Variants in APOL5 observed in about 807,000 individuals in gnomAD.
The protein encoded by APOL5 is apolipoprotein L, 5.
A neutral mutation model predicts 35.5 loss-of-function variants in APOL5; 29 were observed. The observed-to-expected ratio is 0.82, with a 90% CI of 0.61 to 1.11. The LOEUF (loss-of-function observed/expected upper bound fraction) is 1.11, where lower values mean the gene tolerates loss of function less well. Among genes scored for constraint, APOL5 ranks in the 50% most tolerant of loss-of-function variants. APOL5 has a pLI of 0.00. For missense variants in APOL5, 514 were observed against 530.4 expected (o/e 0.97, Z 0.30); for synonymous variants, 188 against 200.2 (o/e 0.94, Z 0.51).
chr22:35,722,107 C>T (rs1426896999), intron 2 of APOL5, among the ~76,000 whole-genome samples: 1 of 152,156 alleles, frequency 6.6e-6, no homozygotes, highest in Non-Finnish European at 1.5e-5. Context: ...CCAAAAAAGG[C>T]ATTGACTTTT....
rs536274599 is a variant in APOL5 at position 35,719,675 on chromosome 22, G to A, written c.56-893G>A. 2.0e-5 allele frequency among the ~76,000 whole-genome samples: 3 copies of A among 152,346 alleles called. No homozygotes were observed. In the South Asian group the frequency reaches 6.2e-4, roughly 32 times the overall value. On this transcript the variant is annotated intron_variant, in intron 1 of 4. Coordinates refer to ENST00000249044, the MANE Select transcript of APOL5 (RefSeq NM_030642.1). Reference sequence around the variant, plus strand: ...CCTGCGGCTCAAACCCCTAGGGGGAGCATGCGGACCGGCAGGTCTTGGGGA... The same window carrying A: ...CCTGCGGCTCAAACCCCTAGGGGGAACATGCGGACCGGCAGGTCTTGGGGA...
At chr22:35,720,523 G>A (rs373464617) in intron 1 of APOL5, 45 bp from the exon 2 acceptor site, 12 of 1,577,734 alleles carry the variant, frequency 7.6e-6, no homozygotes, top group Non-Finnish European at 1.0e-5. Context: ...TTTTCGGGCT[G>A]AGATGACTCA....
the APOL5 span, among the ~76,000 whole-genome samples, chr22:35,709,924 G>A: frequency 6.6e-6 from 1 of 151,600 alleles, no homozygotes; most frequent in South Asian, 2.1e-4. Flanking sequence ...TGTTTCCTCT[G>A]AGCCCTCACA....
chr22:35,711,964 C>G, the APOL5 span, among the ~76,000 whole-genome samples: 1,284 of 152,036 alleles, frequency 8.4e-3, 9 homozygotes, highest in Middle Eastern at 0.017. Context: ...TGTGAGCCAC[C>G]GCGCCCAGCC....
rs757370353 is a variant in APOL5 at position 35,728,740 on chromosome 22, C to T, written c.1144C>T (p.Pro382Ser). The T allele has an allele frequency of 1.1e-4, 177 of 1,612,858 alleles. No individual in the cohort carries two copies. Among genetic ancestry groups the T allele is most frequent in the Non-Finnish European group, 1.5e-4 (175 of 1,179,494 alleles). The stretch of plus-strand genomic sequence containing the variant: ...TTCCACAGGGTCTCGCTCACCTCTC[C>T]CCTGGCCTGTTGTGGAGCACCAGCC... ...VKPEGSRSPL[P>S]WPVVEHQPRL... Residue 382 changes from proline (P) to serine (S), a missense_variant, in exon 4 of 5, where the codon CCC becomes TCC. By Grantham distance (74) the Pro-to-Ser change is moderately conservative (BLOSUM62 -1). This residue lies in a region of APOL5 where 238 missense variants were observed against 229.1 expected (regional missense o/e 1.04). Transcript: ENST00000249044.
chr22:35,727,212 A>T lies in APOL5; in HGVS notation c.1126+18A>T, dbSNP rs773535399. The T allele has an allele frequency of 2.5e-6, 4 of 1,584,204 alleles. No homozygotes were observed. Among genetic ancestry groups the T allele is most frequent in the Non-Finnish European group, 2.6e-6 (3 of 1,171,378 alleles). ...ACCAGAAGGTAGGAAGGCAGCGAAT[A>T]ACACGGACGTGGTCTTGCTCTTCTA... On this transcript the variant is annotated intron_variant, in intron 3 of 4. Transcript: ENST00000249044.
upstream of APOL5, among the ~76,000 whole-genome samples, chr22:35,714,727 A>G (rs1926690879): frequency 6.6e-6 from 1 of 152,216 alleles, no homozygotes; most frequent in South Asian, 2.1e-4. Flanking sequence ...TGAGAAAGCA[A>G]GATAAATGAA....
At chr22:35,717,204 G>A (rs1440029351), upstream of APOL5, among the ~76,000 whole-genome samples, 2 of 96,084 alleles carry the variant, frequency 2.1e-5, no homozygotes, top group Non-Finnish European at 4.4e-5. Context: ...TGGGCAACAT[G>A]GTGAATCTCC....
intron 1 of APOL5, among the ~76,000 whole-genome samples, chr22:35,720,067 G>T (rs1012806472): frequency 6.6e-6 from 1 of 152,158 alleles, no homozygotes; most frequent in East Asian, 1.9e-4. Flanking sequence ...TGTTCCTCTC[G>T]ATGTCCAGCT....
rs1926928108 is a variant in APOL5 at position 35,720,457 on chromosome 22, T to TC, written c.56-110dup. On this transcript the variant is annotated intron_variant, in intron 1 of 4. Transcript: ENST00000249044. ...GATTTTTGTTGTATTCTTTTTTTTT[T>TC]CTAATTCTCCAATATTGTAATTAGA... 4.7e-5 allele frequency: 38 copies of TC among 801,598 alleles called. 1 individual carries two copies. Among genetic ancestry groups the TC allele is most frequent in the South Asian group, 4.4e-4 (24 of 54,540 alleles). The allele number at this position is 801,598 out of a possible 1,614,324, so 49.7% of individuals were successfully genotyped here.
Position 35,728,922 on chromosome 22 carries a change from A to G in APOL5, c.*6+18A>G. On this transcript the variant is annotated intron_variant, in intron 4 of 4. Transcript: ENST00000249044. Reference sequence around the variant, plus strand: ...GAGAAGAGGTAAGTGGGACGCAAGGAAGCCAGGAGCTGTGGGAACCCCTGA... The same window carrying G: ...GAGAAGAGGTAAGTGGGACGCAAGGGAGCCAGGAGCTGTGGGAACCCCTGA... The G allele has an allele frequency of 6.4e-7, 1 of 1,567,932 alleles. No individual in the cohort carries two copies. The highest frequency in any genetic ancestry group is 8.6e-7 in the Non-Finnish European group (1 of 1,157,570).
chr22:35,712,148 G>C, the APOL5 span, among the ~76,000 whole-genome samples: 19 of 152,012 alleles, frequency 1.2e-4, no homozygotes, highest in Non-Finnish European at 2.1e-4. Flanking sequence ...CTGGGACACA[G>C]GCATGTGCAT....
rs573020394 is a variant in APOL5, at chr22:35,728,345, C to T, written c.1127-378C>T. Among the ~76,000 whole-genome samples, 61 of 152,262 alleles carry T rather than the reference C, an allele frequency of 4.0e-4. 1 individual carries two copies. The South Asian group carries it at 6.2e-3, about 16-fold the overall frequency. Reference sequence around the variant, plus strand: ...TTCACGCCATTCTCCTGCCTCAATCCCCCGAGTAGCTGGGACTACAGGCGC... The same window carrying T: ...TTCACGCCATTCTCCTGCCTCAATCTCCCGAGTAGCTGGGACTACAGGCGC... On this transcript the variant is annotated intron_variant, in intron 3 of 4. Transcript: ENST00000249044.
At chr22:35,724,329 G>C (rs1373068062) in intron 2 of APOL5, among the ~76,000 whole-genome samples, 1 of 146,972 alleles carries the variant, frequency 6.8e-6, no homozygotes, top group Non-Finnish European at 1.5e-5. Context: ...CCTGTTTCCC[G>C]ATGTCCCAGG....
chr22:35,714,726 A>G (rs1200745089), upstream of APOL5, among the ~76,000 whole-genome samples: 1 of 152,222 alleles, frequency 6.6e-6, no homozygotes, highest in East Asian at 1.9e-4. Context: ...TTGAGAAAGC[A>G]AGATAAATGA....
In APOL5 at chr22:35,726,294, T is replaced by C; in HGVS notation, c.226T>C (p.Tyr76His). 6.2e-7 allele frequency: 1 copy of C among 1,614,240 alleles called. No homozygotes were observed. Among genetic ancestry groups the C allele is most frequent in the Non-Finnish European group, 8.5e-7 (1 of 1,180,042 alleles). Residue 76 changes from tyrosine (Y) to histidine (H), a missense_variant, in exon 3 of 5, where the codon TAC becomes CAC. This residue lies in a region of APOL5 where 254 missense variants were observed against 254.7 expected (regional missense o/e 1.00). Coordinates refer to ENST00000249044, the MANE Select transcript of APOL5 (RefSeq NM_030642.1). Reference sequence around the variant, plus strand: ...CAGTGATGAGGCTGGTATGCTGTCCTACTTTCTGTTTGAAGAGCTGATGCG... The same window carrying C: ...CAGTGATGAGGCTGGTATGCTGTCCCACTTTCTGTTTGAAGAGCTGATGCG... ...VHSDEAGMLS[Y>H]FLFEELMRCD...
upstream of APOL5, among the ~76,000 whole-genome samples, chr22:35,714,034 G>T (rs1351510285): frequency 6.6e-6 from 1 of 152,102 alleles, no homozygotes; most frequent in African/African-American, 2.4e-5. Flanking sequence ...TGTGTTGGCC[G>T]GGCGCGGTGG....
chr22:35,720,546 C>G (rs76678345), intron 1 of APOL5, 22 bp from the exon 2 acceptor site: 2 of 1,612,134 alleles, frequency 1.2e-6, no homozygotes, highest in African/African-American at 2.7e-5. Context: ...AAGAAATGTC[C>G]CTGATCCTTG....
upstream of APOL5, among the ~76,000 whole-genome samples, chr22:35,716,914 C>T (rs1926762200): frequency 7.4e-6 from 1 of 134,306 alleles, no homozygotes; most frequent in African/African-American, 2.8e-5. Flanking sequence ...TGTAAACAGT[C>T]CCCGGCATGG....
Sources: gnomAD v4.1 joint callset for allele counts (sites outside exome capture counted in the v4.1 genomes callset) on GRCh38, gnomAD v4.1.1 for gene constraint, gnomAD v4.1.1 regional missense constraint, MANE v1.5 for transcripts, NCBI Gene and HGNC (gene_info 2026-07-23, HGNC 2026-07-21) for gene names.